Variants in RORB observed in about 807,000 individuals in gnomAD.
The protein encoded by RORB is nuclear receptor ROR-beta.
A neutral mutation model predicts 59.1 loss-of-function variants in RORB; 6 were observed. The observed-to-expected ratio is 0.10, with a 90% CI of 0.06 to 0.20. The LOEUF is 0.20. Ranked by LOEUF, RORB falls within the 10% of genes least tolerant of loss-of-function variation. The pLI is 1.00. For missense variants in RORB, 320 were observed against 560.5 expected (o/e 0.57, Z 4.33); for synonymous variants, 215 against 204.5 (o/e 1.05, Z -0.44).
At chr9:74,499,283 T>C (rs1296466602) in intron 1 of RORB, among the ~76,000 whole-genome samples, 2 of 152,044 alleles carry the variant, frequency 1.3e-5, no homozygotes, top group African/African-American at 4.8e-5. Flanking sequence ...ATCACTGGTC[T>C]CCTCCTTCCA....
chr9:74,675,609 G>T (rs982722670), intron 9 of RORB, among the ~76,000 whole-genome samples: 9 of 152,230 alleles, frequency 5.9e-5, no homozygotes, highest in South Asian at 2.1e-4. Flanking sequence ...GACTGATTTT[G>T]CCAAGTCTTA....
chr9:74,554,757 G>T (rs1244250893), intron 1 of RORB, among the ~76,000 whole-genome samples: 1 of 152,146 alleles, frequency 6.6e-6, no homozygotes, highest in Non-Finnish European at 1.5e-5. Flanking sequence ...TGAATATTTG[G>T]CAGCGCCAGG....
At chr9:74,530,820 C>T (rs1826226005) in intron 1 of RORB, among the ~76,000 whole-genome samples, 1 of 151,898 alleles carries the variant, frequency 6.6e-6, no homozygotes, top group Non-Finnish European at 1.5e-5. Context: ...GTGTGCTGCA[C>T]CCATTAACTC....
intron 1 of RORB, among the ~76,000 whole-genome samples, chr9:74,592,074 AT>A (rs1422873878): frequency 6.6e-6 from 1 of 152,152 alleles, no homozygotes. Flanking sequence ...AATGGCCCAA[AT>A]TTTGATAGTT....
chr9:74,585,007 T>C (rs879567234), intron 1 of RORB, among the ~76,000 whole-genome samples: 2 of 152,124 alleles, frequency 1.3e-5, no homozygotes, highest in Non-Finnish European at 2.9e-5. Context: ...TGGGTCCCCA[T>C]CCCCCGTCCA....
At chr9:74,674,190 C>T (rs949023096) in intron 9 of RORB, among the ~76,000 whole-genome samples, 1 of 152,116 alleles carries the variant, frequency 6.6e-6, no homozygotes, top group Non-Finnish European at 1.5e-5. Flanking sequence ...CTGTTTCATC[C>T]CATCACAGAT....
At chr9:74,618,116 C>T (rs1823342632) in intron 1 of RORB, among the ~76,000 whole-genome samples, 1 of 151,996 alleles carries the variant, frequency 6.6e-6, no homozygotes, top group Non-Finnish European at 1.5e-5. Context: ...GTAGATAATC[C>T]AATCACACAC....
intron 8 of RORB, among the ~76,000 whole-genome samples, chr9:74,668,776 G>A (rs538620724): frequency 2.6e-5 from 4 of 152,216 alleles, no homozygotes; most frequent in African/African-American, 4.8e-5. Flanking sequence ...GTTTGGTCTC[G>A]CAGTCCCAGG....
At chr9:74,564,793 G>A (rs555600826) in intron 1 of RORB, among the ~76,000 whole-genome samples, 4 of 152,224 alleles carry the variant, frequency 2.6e-5, no homozygotes, top group Admixed American at 6.5e-5. Context: ...CTAGGAGAAA[G>A]CACTGACAGG....
chr9:74,651,746 C>A, intron 4 of RORB, among the ~76,000 whole-genome samples: 1 of 152,174 alleles, frequency 6.6e-6, no homozygotes, highest in African/African-American at 2.4e-5. Flanking sequence ...CTTGGTCTTA[C>A]TATATAACCC....
At chr9:74,636,691 C>A (rs139068877) in intron 3 of RORB, among the ~76,000 whole-genome samples, 2 of 149,310 alleles carry the variant, frequency 1.3e-5, no homozygotes, top group African/African-American at 4.9e-5. Context: ...CTGAGGCTGC[C>A]GGGGACATCT....
chr9:74,587,027 T>C (rs1242969404), intron 1 of RORB, among the ~76,000 whole-genome samples: 1 of 152,192 alleles, frequency 6.6e-6, no homozygotes, highest in Non-Finnish European at 1.5e-5. Flanking sequence ...ATCAGATTGT[T>C]TAACTTTGGA....
At chr9:74,583,268 G>A (rs1446157399) in intron 1 of RORB, among the ~76,000 whole-genome samples, 1 of 152,130 alleles carries the variant, frequency 6.6e-6, no homozygotes, top group East Asian at 1.9e-4. Context: ...GAACTGCCAC[G>A]TACCCAGGCA....
chr9:74,553,576 T>TA (rs59567401), intron 1 of RORB, among the ~76,000 whole-genome samples: 30,713 of 152,044 alleles, frequency 0.2, 3,384 homozygotes, highest in African/African-American at 0.3. Context: ...ATGTGATTTT[T>TA]AAATGCAAGG....
chr9:74,561,123 G>A (rs1822391411), intron 1 of RORB, among the ~76,000 whole-genome samples: 1 of 152,102 alleles, frequency 6.6e-6, no homozygotes, highest in African/African-American at 2.4e-5. Flanking sequence ...AATTGAATGA[G>A]AAGAAGAAAT....
intron 1 of RORB, among the ~76,000 whole-genome samples, chr9:74,514,987 T>C (rs938615953): frequency 2.0e-5 from 3 of 151,146 alleles, no homozygotes; most frequent in Non-Finnish European, 4.4e-5. Context: ...TTCAACTCTA[T>C]ATCTTCTCCA....
intron 1 of RORB, among the ~76,000 whole-genome samples, chr9:74,500,084 T>A (rs764641372): frequency 6.6e-5 from 10 of 152,108 alleles, no homozygotes; most frequent in Non-Finnish European, 1.2e-4. Context: ...ATGCTCACCT[T>A]GAGAAAACCA....
At chr9:74,585,736 G>A (rs1488363741) in intron 1 of RORB, among the ~76,000 whole-genome samples, 1 of 150,900 alleles carries the variant, frequency 6.6e-6, no homozygotes, top group Admixed American at 6.6e-5. Context: ...AAGCTCATGA[G>A]CATTTAGATA....
At chr9:74,530,010 G>C (rs1826212137) in intron 1 of RORB, among the ~76,000 whole-genome samples, 1 of 151,968 alleles carries the variant, frequency 6.6e-6, no homozygotes, top group Non-Finnish European at 1.5e-5. Context: ...GCCCACTCAA[G>C]ATTCTGTGGT....
Sources: allele counts gnomAD v4.1 joint callset (sites outside exome capture counted in the v4.1 genomes callset), GRCh38; gene constraint gnomAD v4.1.1; transcripts MANE v1.5; gene names NCBI Gene and HGNC (gene_info 2026-07-23, HGNC 2026-07-21).